CTNNA3: variants seen among roughly 807,000 people sequenced by gnomAD.
The protein encoded by CTNNA3 is catenin alpha 3.
CTNNA3 carries 76 observed loss-of-function variants against 95.7 expected under a neutral mutation model. The ratio of observed to expected loss-of-function variants is 0.79; its 90% CI spans 0.66 to 0.96. The LOEUF (loss-of-function observed/expected upper bound fraction) is 0.96, where lower values mean the gene tolerates loss of function less well. Among genes scored for constraint, CTNNA3 ranks in the 40% least tolerant of loss-of-function variants. CTNNA3 has a pLI of 0.00. For missense variants in CTNNA3, 1,191 were observed against 1,089.8 expected, an observed-to-expected ratio of 1.09 and a Z score of -1.31; for synonymous variants, 431 against 374.4, an observed-to-expected ratio of 1.15 and a Z score of -1.74.
chr10:67,226,138 A>G (rs1864902394), intron 5 of CTNNA3, among the ~76,000 whole-genome samples: 1 of 152,180 alleles, frequency 6.6e-6, no homozygotes, highest in South Asian at 2.1e-4. Context: ...GAGCTCAAAG[A>G]CAGGTCTTCA....
chr10:66,643,864 A>C (rs1445313962), intron 9 of CTNNA3, among the ~76,000 whole-genome samples: 2 of 152,162 alleles, frequency 1.3e-5, no homozygotes. Flanking sequence ...TGATTCATTC[A>C]AATAAGTTTT....
intron 15 of CTNNA3, among the ~76,000 whole-genome samples, chr10:65,996,763 T>C (rs1472763324): frequency 6.6e-6 from 1 of 152,182 alleles, no homozygotes; most frequent in Non-Finnish European, 1.5e-5. Context: ...GGGGTGACTC[T>C]CCAAGCTCCC....
chr10:66,561,420 C>A (rs1240616264), intron 10 of CTNNA3, among the ~76,000 whole-genome samples: 3 of 152,056 alleles, frequency 2.0e-5, no homozygotes, highest in Non-Finnish European at 4.4e-5. Flanking sequence ...TTAATTAATG[C>A]TCACAGGAAA....
chr10:66,298,069 G>T (rs560712308), intron 12 of CTNNA3, among the ~76,000 whole-genome samples: 7 of 152,220 alleles, frequency 4.6e-5, no homozygotes, highest in African/African-American at 1.7e-4. Flanking sequence ...TTCCTGTCTG[G>T]TTCATTGTTT....
At chr10:66,355,251 G>A (rs758703622) in intron 12 of CTNNA3, among the ~76,000 whole-genome samples, 47 of 152,102 alleles carry the variant, frequency 3.1e-4, no homozygotes, top group Middle Eastern at 3.2e-3. Flanking sequence ...GCCAATTTTG[G>A]TAGCAAGCCC....
At chr10:67,049,087 A>G (rs1370337107) in intron 7 of CTNNA3, among the ~76,000 whole-genome samples, 1 of 151,148 alleles carries the variant, frequency 6.6e-6, no homozygotes, top group African/African-American at 2.4e-5. Context: ...AAAAAATGAC[A>G]TTTATAACTT....
intron 7 of CTNNA3, among the ~76,000 whole-genome samples, chr10:66,902,943 G>T (rs937581938): frequency 1.3e-5 from 2 of 152,096 alleles, no homozygotes; most frequent in African/African-American, 4.8e-5. Context: ...AATTCTACCC[G>T]AAGTACAAAG....
chr10:66,619,433 C>T lies in CTNNA3; in HGVS notation c.1374+2259G>A, dbSNP rs9664004. ...GTAGGGACGTGGATGAAGCTGGAAA[C>T]CATCATTCTCAGCAAACTGTCGCAA... On this transcript the variant is annotated intron_variant, in intron 10 of 17. Coordinates refer to ENST00000433211, the MANE Select transcript of CTNNA3 (RefSeq NM_013266.4). Among the ~76,000 whole-genome samples the T allele has an allele frequency of 1.7e-3, 182 of 108,014 alleles. 6 individuals carry two copies. Among genetic ancestry groups the T allele is most frequent in the Admixed American group, 2.9e-3 (26 of 8,886 alleles). 70.9% of individuals were successfully genotyped at this position (108,014 alleles called of 152,430 possible). A position where few individuals can be genotyped will look rare whatever the true frequency, so the allele number is the denominator to read the frequency against.
intron 12 of CTNNA3, among the ~76,000 whole-genome samples, chr10:66,326,729 G>C (rs1335512378): frequency 6.6e-6 from 1 of 151,980 alleles, no homozygotes; most frequent in African/African-American, 2.4e-5. Flanking sequence ...AGACCAGAAA[G>C]GGTGCTAGCA....
At chr10:67,739,886 C>T (rs1282378591) in intron 1 of CTNNA3, among the ~76,000 whole-genome samples, 4 of 152,140 alleles carry the variant, frequency 2.6e-5, no homozygotes, top group African/African-American at 7.2e-5. Context: ...CTGGAGGCAT[C>T]GTGCTACCTG....
intron 16 of CTNNA3, among the ~76,000 whole-genome samples, chr10:65,973,765 C>T (rs1447095604): frequency 1.3e-5 from 2 of 152,020 alleles, no homozygotes; most frequent in Non-Finnish European, 2.9e-5. Context: ...GGAGGTGCCA[C>T]ACACTTTTAA....
rs2076993617 is a variant in CTNNA3, at chr10:65,915,381, A to G, written c.*4949T>C. The G allele has an allele frequency of 6.6e-6, 1 of 151,860 alleles. No homozygotes were observed. Among genetic ancestry groups the G allele is most frequent in the African/African-American group, 2.4e-5 (1 of 41,330 alleles). The allele number at this position is 151,860 out of a possible 1,614,324, so 9.4% of individuals were successfully genotyped here. On this transcript the variant is annotated 3_prime_UTR_variant, in exon 18 of 18. Transcript: ENST00000433211. ...CAGGAGGGCTGCCTAATCTTCATAA[A>G]ACCAAAAAACTCTCCCCTCATCTAT... is the stretch of plus-strand genomic sequence containing the variant.
intron 7 of CTNNA3, among the ~76,000 whole-genome samples, chr10:67,093,878 A>G (rs561562732): frequency 6.6e-6 from 1 of 152,148 alleles, no homozygotes; most frequent in Admixed American, 6.6e-5. Context: ...ATATTCTCAA[A>G]CAACTGACTA....
intron 2 of CTNNA3, among the ~76,000 whole-genome samples, chr10:67,623,263 T>C (rs1208225923): frequency 6.6e-6 from 1 of 152,186 alleles, no homozygotes; most frequent in Non-Finnish European, 1.5e-5. Context: ...AATTATCTTC[T>C]AGAAGGCTAA....
At chr10:67,475,059 G>A (rs1847955395) in intron 5 of CTNNA3, among the ~76,000 whole-genome samples, 1 of 152,052 alleles carries the variant, frequency 6.6e-6, no homozygotes, top group African/African-American at 2.4e-5. Context: ...AAAGCAAATT[G>A]TGACACAGCC....
At chr10:66,452,527 G>C (rs2093471158) in intron 11 of CTNNA3, among the ~76,000 whole-genome samples, 1 of 152,048 alleles carries the variant, frequency 6.6e-6, no homozygotes, top group Admixed American at 6.6e-5. Flanking sequence ...CCTAACTTTG[G>C]AACAAAGATG....
intron 1 of CTNNA3, among the ~76,000 whole-genome samples, chr10:67,740,412 G>A (rs892754117): frequency 4.0e-5 from 6 of 151,324 alleles, no homozygotes; most frequent in African/African-American, 1.2e-4. Flanking sequence ...CTGCTCATCT[G>A]ACAAAGGGCT....
chr10:66,040,039 A>T (rs1323734197), intron 15 of CTNNA3, among the ~76,000 whole-genome samples: 1 of 152,174 alleles, frequency 6.6e-6, no homozygotes, highest in Non-Finnish European at 1.5e-5. Flanking sequence ...AATAAAACAA[A>T]CAACCCCATA....
Position 67,109,189 on chromosome 10 carries a change from T to C in CTNNA3, c.1047+71128A>G, listed in dbSNP as rs1311085221. Reference sequence around the variant, plus strand: ...GGCATAAGACTGATATGAAAATGAATGAGAATTAGGTTATATGTAGAGTCT... The same window carrying C: ...GGCATAAGACTGATATGAAAATGAACGAGAATTAGGTTATATGTAGAGTCT... On this transcript the variant is annotated intron_variant, in intron 7 of 17. Coordinates refer to ENST00000433211, the MANE Select transcript of CTNNA3 (RefSeq NM_013266.4). 3.3e-5 allele frequency among the ~76,000 whole-genome samples: 5 copies of C among 152,134 alleles called. No individual in the cohort carries two copies. In the South Asian group the frequency reaches 6.2e-4, roughly 19 times the overall value.
Sources: gnomAD v4.1 joint callset for allele counts (sites outside exome capture counted in the v4.1 genomes callset) on GRCh38, gnomAD v4.1.1 for gene constraint, MANE v1.5 for transcripts, NCBI Gene and HGNC (gene_info 2026-07-23, HGNC 2026-07-21) for gene names.